The following TMEM52B variants were observed in gnomAD, a reference collection of about 807,000 sequenced individuals.
The protein encoded by TMEM52B is chromosome 12 open reading frame 59.
Under a neutral mutation model 16.1 loss-of-function variants are expected in TMEM52B, and 11 were observed. The ratio of observed to expected loss-of-function variants is 0.68; its 90% CI spans 0.43 to 1.13. The LOEUF (loss-of-function observed/expected upper bound fraction) is 1.13, where lower values mean the gene tolerates loss of function less well. Ranked by LOEUF, TMEM52B falls within the 50% of genes most tolerant of loss-of-function variation. The pLI is 0.00. For missense variants in TMEM52B, 243 were observed against 230.4 expected (o/e 1.05, Z -0.35); for synonymous variants, 101 against 93.8 (o/e 1.08, Z -0.45).
intron 4 of TMEM52B, among the ~76,000 whole-genome samples, 192 bp downstream of exon 4, chr12:10,186,781 G>C (rs2137557041): frequency 6.6e-6 from 1 of 152,260 alleles, no homozygotes; most frequent in South Asian, 2.1e-4. Context: ...GGTCTGTCTG[G>C]CTCATGATAA....
intron 4 of TMEM52B, among the ~76,000 whole-genome samples, 179 bp from the exon 5 acceptor site, chr12:10,189,717 C>G (rs985317234): frequency 6.6e-6 from 1 of 151,646 alleles, no homozygotes; most frequent in Non-Finnish European, 1.5e-5. Flanking sequence ...TCTAGCAGAG[C>G]AGGAAGCTGG....
At position 10,171,935 on chromosome 12, in the gene TMEM52B, G is replaced by A. The variant is rs1489733023; in HGVS notation, c.-95+1084G>A. ...GTTTAGCTTTCTAATCCCATTCTTCGGTGAATTTACATTTTGGGGCTAACA... is the reference window on the plus strand; with the variant it reads ...GTTTAGCTTTCTAATCCCATTCTTCAGTGAATTTACATTTTGGGGCTAACA... On this transcript the variant is annotated intron_variant, in intron 1 of 5. Coordinates refer to the TMEM52B transcript ENST00000381923. The A allele has an allele frequency of 6.8e-6, 8 of 1,175,826 alleles. No individual in the cohort carries two copies. In the South Asian group the frequency reaches 7.6e-5, roughly 11 times the overall value. The allele number at this position is 1,175,826 out of a possible 1,614,324, so 72.8% of individuals were successfully genotyped here. A position where few individuals can be genotyped will look rare whatever the true frequency, so the allele number is the denominator to read the frequency against.
chr12:10,179,370 A>G lies in TMEM52B; in HGVS notation c.-205A>G, dbSNP rs1317197617. 1.0e-5 allele frequency: 6 copies of G among 575,926 alleles called. No homozygotes were observed. The highest frequency in any genetic ancestry group is 2.8e-5 in the East Asian group (1 of 35,574). The allele number at this position is 575,926 out of a possible 1,614,324, so 35.7% of individuals were successfully genotyped here. A position where few individuals can be genotyped will look rare whatever the true frequency, so the allele number is the denominator to read the frequency against. Reference sequence around the variant, plus strand: ...AATAAGAATAAAGAAGAAAAACAGGAAAGAAGAGGGAAAAGCCATAGAAAA... The same window carrying G: ...AATAAGAATAAAGAAGAAAAACAGGGAAGAAGAGGGAAAAGCCATAGAAAA... On this transcript the variant is annotated 5_prime_UTR_variant, in exon 1 of 5. Transcript: ENST00000543484.
intron 1 of TMEM52B, among the ~76,000 whole-genome samples, chr12:10,173,247 A>G (rs546770852): frequency 2.0e-5 from 3 of 152,328 alleles, no homozygotes; most frequent in Admixed American, 2.0e-4. Flanking sequence ...TGTCTTCTGA[A>G]GGAAGTATTT....
upstream of TMEM52B, among the ~76,000 whole-genome samples, chr12:10,178,241 G>A (rs1474703034): frequency 6.6e-6 from 1 of 151,606 alleles, no homozygotes; most frequent in African/African-American, 2.4e-5. Flanking sequence ...TCTAGGCCAG[G>A]CACGGTGGCT....
At chr12:10,175,317 A>G (rs1161197567), upstream of TMEM52B, 3 of 152,180 alleles carry the variant, frequency 2.0e-5, no homozygotes, top group Non-Finnish European at 2.9e-5. Flanking sequence ...TCCTGCAGCC[A>G]TAGAGAAATA....
Position 10,191,077 on chromosome 12 carries a change from T to C in TMEM52B, c.*937T>C, listed in dbSNP as rs1948952648. On this transcript the variant is annotated 3_prime_UTR_variant, in exon 5 of 5. Transcript: ENST00000543484. ...AAACTAAATGCTGAACTAAGCCTGG[T>C]TGAGATGCTTCCCATGGACCATGCC... 1 of 152,258 alleles carries C rather than the reference T, an allele frequency of 6.6e-6. No individual in the cohort carries two copies. Among genetic ancestry groups the C allele is most frequent in the South Asian group, 2.1e-4 (1 of 4,836 alleles). The allele number at this position is 152,258 out of a possible 1,614,324, so 9.4% of individuals were successfully genotyped here. A position where few individuals can be genotyped will look rare whatever the true frequency, so the allele number is the denominator to read the frequency against.
intron 2 of TMEM52B, 135 bp downstream of exon 2, chr12:10,182,728 G>T (rs911510013): frequency 2.1e-6 from 2 of 941,454 alleles, no homozygotes; most frequent in African/African-American, 3.4e-5. Flanking sequence ...TCTCATAGAT[G>T]ACTTATCACA....
At chr12:10,182,522 C>G in intron 1 of TMEM52B, 28 bp from the exon 2 acceptor site, 3 of 1,532,338 alleles carry the variant, frequency 2.0e-6, no homozygotes, top group Non-Finnish European at 2.6e-6. Flanking sequence ...AACAATTTCC[C>G]TGTATAAGAC....
intron 2 of TMEM52B, among the ~76,000 whole-genome samples, chr12:10,183,962 T>C (rs528009683): frequency 6.6e-6 from 1 of 152,270 alleles, no homozygotes; most frequent in African/African-American, 2.4e-5. Context: ...TGGCAGCCCC[T>C]AGGTAGATTT....
upstream of TMEM52B, among the ~76,000 whole-genome samples, chr12:10,178,212 T>C (rs1948782629): frequency 2.6e-5 from 4 of 151,428 alleles, no homozygotes. Context: ...TGTCTATAGC[T>C]TTGTTTCATT....
In TMEM52B at chr12:10,179,639, T is replaced by A. The variant is rs200907958; in HGVS notation, c.54+11T>A. 1,295 of 1,614,126 alleles carry A rather than the reference T, an allele frequency of 8.0e-4. No homozygotes were observed. Among genetic ancestry groups the A allele is most frequent in the Middle Eastern group, 3.5e-3 (21 of 6,062 alleles). ...CTGTATTTCATCCTGGTGAGTTCAG[T>A]GGTGAAAAGGCAGAAAGAGTATTTT... On this transcript the variant is annotated intron_variant, in intron 1 of 4. Transcript: ENST00000543484.
rs71049057 is a variant in TMEM52B, at chr12:10,187,099, G to GTTTTTT, written c.307+526_307+531dup. ...CTGTGGTTCTATTCTTTCCATGACG[G>GTTTTTT]TTTTTTTTTTTTTTTTTTTTTGAGA... is the stretch of plus-strand genomic sequence containing the variant. On this transcript the variant is annotated intron_variant, in intron 4 of 4. Transcript: ENST00000543484. 6.4e-3 allele frequency among the ~76,000 whole-genome samples: 524 copies of GTTTTTT among 82,122 alleles called. 31 individuals carry two copies. Among genetic ancestry groups the GTTTTTT allele is most frequent in the African/African-American group, 0.017 (335 of 20,232 alleles). 53.9% of individuals were successfully genotyped at this position (82,122 alleles called of 152,430 possible).
At chr12:10,174,306 G>A (rs1037724972), upstream of TMEM52B, among the ~76,000 whole-genome samples, 3 of 151,948 alleles carry the variant, frequency 2.0e-5, no homozygotes, top group Admixed American at 6.6e-5. Context: ...CAAGTGATCC[G>A]CCTGCCTCAG....
At chr12:10,180,580 C>G (rs1948811370) in intron 1 of TMEM52B, among the ~76,000 whole-genome samples, 1 of 152,174 alleles carries the variant, frequency 6.6e-6, no homozygotes, top group African/African-American at 2.4e-5. Context: ...TCAAATGTTA[C>G]CTGCAAAGGC....
chr12:10,175,021 G>C (rs1443902257), upstream of TMEM52B, among the ~76,000 whole-genome samples: 1 of 152,140 alleles, frequency 6.6e-6, no homozygotes, highest in Non-Finnish European at 1.5e-5. Context: ...TTAAAGATCA[G>C]TGGGATAGTT....
chr12:10,171,831 TGTC>T (rs879602720), intron 1 of TMEM52B, among the ~76,000 whole-genome samples: 17 of 152,216 alleles, frequency 1.1e-4, no homozygotes, highest in Non-Finnish European at 1.9e-4. Flanking sequence ...ATAAATAAGT[TGTC>T]ATCATCATCA....
At chr12:10,189,146 C>T (rs1266251261) in intron 4 of TMEM52B, among the ~76,000 whole-genome samples, 3 of 135,470 alleles carry the variant, frequency 2.2e-5, no homozygotes, top group Non-Finnish European at 4.6e-5. Context: ...GAGGTTGCAG[C>T]GACCCGAGAT....
intron 4 of TMEM52B, among the ~76,000 whole-genome samples, chr12:10,188,228 G>C (rs10845058): frequency 0.56 from 84,885 of 151,530 alleles, 24,015 homozygotes; most frequent in East Asian, 0.89. Context: ...CTCAGTCCAA[G>C]GCGGGCAGAT....
Sources: allele counts gnomAD v4.1 joint callset (sites outside exome capture counted in the v4.1 genomes callset), GRCh38; gene constraint gnomAD v4.1.1; transcripts MANE v1.5; gene names NCBI Gene and HGNC (gene_info 2026-07-23, HGNC 2026-07-21).